Variants in TRAF7 observed in about 807,000 individuals in gnomAD.
TRAF7 encodes TNF receptor associated factor 7, also known as E3 ubiquitin-protein ligase TRAF7.
A neutral mutation model predicts 89.3 loss-of-function variants in TRAF7; 45 were observed. That is an observed-to-expected ratio of 0.50 (90% CI 0.40 to 0.65). TRAF7 has a LOEUF of 0.65. TRAF7 is among the 30% of genes least tolerant of loss of function. The probability of loss-of-function intolerance (pLI) is 0.00; values close to 1 mark genes in which losing one functional copy is unlikely to be tolerated. For missense variants in TRAF7, 677 were observed against 918.1 expected (o/e 0.74, Z 3.39); for synonymous variants, 406 against 369.2 (o/e 1.10, Z -1.14).
In TRAF7 at chr16:2,174,815, G is replaced by A. The variant is rs775971137; in HGVS notation, c.1347-296G>A. ...TGAGAGATGCTCGCTTTCAGGAGGC[G>A]GCAGCTTGACTGCCAGCAGCCGGCC... On this transcript the variant is annotated intron_variant, in intron 14 of 20. Transcript: ENST00000326181. Among the ~76,000 whole-genome samples the A allele has an allele frequency of 3.3e-5, 5 of 152,226 alleles. No homozygotes were observed. In the South Asian group the frequency reaches 8.3e-4, roughly 25 times the overall value.
rs1256132349 is a variant in TRAF7 at position 2,164,159 on chromosome 16, TGCGCGCGCGCGCGCGCGCGCGCACGC to T, written c.81+160_81+185del. On this transcript the variant is annotated intron_variant, in intron 2 of 20. Transcript: ENST00000326181. Reference sequence around the variant, plus strand: ...GGTGTGGTGTGTGTGTGTGTGTGTGTGCGCGCGCGCGCGCGCGCGCGCACGCGTGCGTGTGTGGTTGGGGCGTGTTA... The same window carrying T: ...GGTGTGGTGTGTGTGTGTGTGTGTGTGTGCGTGTGTGGTTGGGGCGTGTTA... 2.4e-3 allele frequency among the ~76,000 whole-genome samples: 302 copies of T among 126,132 alleles called. 1 individual carries two copies. Among genetic ancestry groups the T allele is most frequent in the Admixed American group, 3.7e-3 (49 of 13,094 alleles). The allele number at this position is 126,132 out of a possible 152,430, so 82.7% of individuals were successfully genotyped here.
intron 17 of TRAF7, 31 bp from the exon 18 acceptor site, chr16:2,175,803 C>T (rs2093133310): frequency 1.2e-6 from 2 of 1,610,282 alleles, no homozygotes; most frequent in Non-Finnish European, 1.7e-6. Context: ...AGCACCTGGC[C>T]TGGGACCAAC....
At position 2,161,261 on chromosome 16, in the gene TRAF7, G is replaced by C. The variant is rs978207565; in HGVS notation, c.-38-2622G>C. 6.0e-5 allele frequency among the ~76,000 whole-genome samples: 8 copies of C among 134,012 alleles called. No homozygotes were observed. Among genetic ancestry groups the C allele is most frequent in the Non-Finnish European group, 1.1e-4 (7 of 63,480 alleles). The allele number at this position is 134,012 out of a possible 152,430, so 87.9% of individuals were successfully genotyped here. ...CTCCCTCCGTCCCCTCCCTCCTTCC[G>C]TCCCCCTCAGCTGGCGCTCGATGGG... is the stretch of plus-strand genomic sequence containing the variant. On this transcript the variant is annotated intron_variant, in intron 1 of 20. Coordinates refer to ENST00000326181, the MANE Select transcript of TRAF7 (RefSeq NM_032271.3). The surrounding 1 kb of genome is among the most constrained non-coding windows in gnomAD (Gnocchi z 5.2).
chr16:2,170,747 C>G lies in TRAF7; in HGVS notation c.348+17C>G. The G allele has an allele frequency of 6.3e-7, 1 of 1,578,524 alleles. No individual in the cohort carries two copies. The highest frequency in any genetic ancestry group is 1.7e-4 in the Middle Eastern group (1 of 5,972). ...GAGGAGCCGGTAGGTGTGGGGGACT[C>G]GGCGCAGAGCGGCTTCCAGGGCTGT... On this transcript the variant is annotated intron_variant, in intron 5 of 20. Transcript: ENST00000326181.
chr16:2,164,955 T>C (rs1288681246), intron 2 of TRAF7, among the ~76,000 whole-genome samples: 33 of 22,374 alleles, frequency 1.5e-3, no homozygotes, highest in Admixed American at 1.4e-3. Context: ...GTGAGTGCTG[T>C]GTGGCGCAGC....
rs2093139443 is a variant in TRAF7 at position 2,176,900 on chromosome 16, G to A, written c.*326G>A. ...CCGTTTTTAGACTGTATGTAGATTT[G>A]GTTACCTCCTGGTTGAAATAAATGC... On this transcript the variant is annotated 3_prime_UTR_variant, in exon 21 of 21. Coordinates refer to ENST00000326181, the MANE Select transcript of TRAF7 (RefSeq NM_032271.3). The A allele has an allele frequency of 2.0e-6, 1 of 504,010 alleles. No homozygotes were observed. The highest frequency in any genetic ancestry group is 1.9e-5 in the African/African-American group (1 of 51,458). 31.2% of individuals were successfully genotyped at this position (504,010 alleles called of 1,614,324 possible).
In TRAF7 at chr16:2,173,785, C is replaced by T; in HGVS notation, c.1087-3C>T. ...GCCCTCTGCCCTGCCCTTGGCCCTG[C>T]AGGACGAGCTGTCCCACATCAACGC... On this transcript the variant is annotated splice_polypyrimidine_tract_variant and splice_region_variant and intron_variant, in intron 11 of 20. Coordinates refer to ENST00000326181, the MANE Select transcript of TRAF7 (RefSeq NM_032271.3). 8 of 1,610,080 alleles carry T rather than the reference C, an allele frequency of 5.0e-6. No homozygotes were observed. The highest frequency in any genetic ancestry group is 6.8e-6 in the Non-Finnish European group (8 of 1,179,766).
At position 2,163,766 on chromosome 16, in the gene TRAF7, G is replaced by A. The variant is rs552901877; in HGVS notation, c.-38-117G>A. The A allele has an allele frequency of 2.9e-6, 2 of 694,470 alleles. No homozygotes were observed. Among genetic ancestry groups the A allele is most frequent in the Non-Finnish European group, 5.1e-6 (2 of 395,026 alleles). 43.0% of individuals were successfully genotyped at this position (694,470 alleles called of 1,614,324 possible). On this transcript the variant is annotated intron_variant, in intron 1 of 20. Transcript: ENST00000326181. This position sits in a 1 kb window ranked among gnomAD's most constrained non-coding sequence, Gnocchi z 4.3. ...CCTGAGCCGGGGCTGGTGGTGGAAG[G>A]CTGCTGCGGCGGCCCCACGGTGCCC...
rs908558141 is a variant in TRAF7, at chr16:2,162,930, C to T, written c.-38-953C>T. ...GCCCAAGTCCTGAAAGTGGGACCTG[C>T]TCGGGAGGAGGGGCGCCTGCTGACA... On this transcript the variant is annotated intron_variant, in intron 1 of 20. Transcript: ENST00000326181. The surrounding 1 kb of genome is among the most constrained non-coding windows in gnomAD (Gnocchi z 5.0). Among the ~76,000 whole-genome samples the T allele has an allele frequency of 5.3e-5, 8 of 152,150 alleles. No individual in the cohort carries two copies. Among genetic ancestry groups the T allele is most frequent in the African/African-American group, 1.4e-4 (6 of 41,446 alleles).
chr16:2,172,535 A>G lies in TRAF7; in HGVS notation c.730A>G (p.Arg244Gly). Reference protein sequence around the residue: ...PNNPSCPPLLRMNLEAHLKEC... With the variant: ...PNNPSCPPLLGMNLEAHLKEC... The stretch of plus-strand genomic sequence containing the variant: ...CAACCCCAGCTGCCCCCCGCTGCTC[A>G]GGATGAACCTGGAGGCCCACCTCAA... Residue 244 changes from arginine (R) to glycine (G), a missense_variant, in exon 9 of 21, where the codon AGG (arginine) becomes GGG (glycine). Transcript: ENST00000326181. The G allele has an allele frequency of 3.2e-6, 5 of 1,581,556 alleles. No homozygotes were observed. Among genetic ancestry groups the G allele is most frequent in the Non-Finnish European group, 4.3e-6 (5 of 1,163,624 alleles).
In TRAF7 at chr16:2,168,884, G is replaced by T. The variant is rs1413021401; in HGVS notation, c.231+716G>T. Among the ~76,000 whole-genome samples, 1 of 152,208 alleles carries T rather than the reference G, an allele frequency of 6.6e-6. No homozygotes were observed. Among genetic ancestry groups the T allele is most frequent in the Admixed American group, 6.5e-5 (1 of 15,284 alleles). ...ATGAAGGACTGGCCCAGCAGGGGGT[G>T]GGGGTGTGTGGGGCCTCTCTGGCAG... On this transcript the variant is annotated intron_variant, in intron 4 of 20. Coordinates refer to ENST00000326181, the MANE Select transcript of TRAF7 (RefSeq NM_032271.3). The surrounding 1 kb of genome is among the most constrained non-coding windows in gnomAD (Gnocchi z 4.1).
intron 2 of TRAF7, among the ~76,000 whole-genome samples, chr16:2,165,229 C>T (rs1350302519): frequency 2.2e-5 from 3 of 138,838 alleles, no homozygotes; most frequent in Non-Finnish European, 3.1e-5. Flanking sequence ...CATGGTTAAG[C>T]GTGTTAGTGC....
At position 2,168,502 on chromosome 16, in the gene TRAF7, G is replaced by A. The variant is rs533930346; in HGVS notation, c.231+334G>A. ...AGGAGGATAGCACAATAAAATACAT[G>A]CTTTGAAAGCTTCCTTTGCTGCTGG... On this transcript the variant is annotated intron_variant, in intron 4 of 20. Coordinates refer to ENST00000326181, the MANE Select transcript of TRAF7 (RefSeq NM_032271.3). This position sits in a 1 kb window ranked among gnomAD's most constrained non-coding sequence, Gnocchi z 4.1. 19 of 242,236 alleles carry A rather than the reference G, an allele frequency of 7.8e-5. No homozygotes were observed. Among genetic ancestry groups the A allele is most frequent in the African/African-American group, 4.3e-4 (19 of 43,708 alleles). The allele number at this position is 242,236 out of a possible 1,614,324, so 15.0% of individuals were successfully genotyped here.
intron 20 of TRAF7, 55 bp from the exon 21 acceptor site, chr16:2,176,496 AGGTGTGGCT>A: frequency 6.2e-7 from 1 of 1,612,994 alleles, no homozygotes; most frequent in Non-Finnish European, 8.5e-7. Flanking sequence ...TACGTGTGGC[AGGTGTGGCT>A]GGGGCAGGGC....
In TRAF7 at chr16:2,171,292, C is replaced by T; in HGVS notation, c.377C>T (p.Ser126Leu). Residue 126 changes from serine (S) to leucine (L), a missense_variant, in exon 6 of 21, where the codon TCG becomes TTG. Ser to Leu is a moderately radical substitution (Grantham distance 145). Transcript: ENST00000326181. Reference sequence around the variant, plus strand: ...CCACTGGTGTTTGCGGAGCAGCCCTCGGTGAAGCTGTGCTGTCAGCTCTGC... The same window carrying T: ...CCACTGGTGTTTGCGGAGCAGCCCTTGGTGAAGCTGTGCTGTCAGCTCTGC... ...PEPLVFAEQP[S>L]VKLCCQLCCS... 3 of 1,555,014 alleles carry T rather than the reference C, an allele frequency of 1.9e-6. No homozygotes were observed. The highest frequency in any genetic ancestry group is 1.7e-6 in the Non-Finnish European group (2 of 1,150,116).
At chr16:2,169,209 C>T (rs566152738) in intron 4 of TRAF7, among the ~76,000 whole-genome samples, 2 of 152,100 alleles carry the variant, frequency 1.3e-5, no homozygotes, top group Non-Finnish European at 2.9e-5. Context: ...CTCGAACTCC[C>T]GACCTCAGCT....
At chr16:2,167,687 C>T (rs1285447703) in intron 3 of TRAF7, among the ~76,000 whole-genome samples, 1 of 152,192 alleles carries the variant, frequency 6.6e-6, no homozygotes, top group Non-Finnish European at 1.5e-5. Flanking sequence ...AAATGGCACC[C>T]CCAGCTGCTG....
chr16:2,155,886 C>T (rs1318809362), intron 1 of TRAF7, 28 bp downstream of exon 1: 1 of 147,904 alleles, frequency 6.8e-6, no homozygotes, highest in Non-Finnish European at 1.5e-5. Flanking sequence ...GCGCCCGACC[C>T]GGGGCTCGCG....
At chr16:2,156,688 G>A (rs2093036050) in intron 1 of TRAF7, among the ~76,000 whole-genome samples, 1 of 133,876 alleles carries the variant, frequency 7.5e-6, no homozygotes, top group Non-Finnish European at 1.6e-5. Context: ...AAGTGGAGAG[G>A]TGAAGTCGAT....
Sources: allele counts gnomAD v4.1 joint callset (sites outside exome capture counted in the v4.1 genomes callset), GRCh38; gene constraint gnomAD v4.1.1; non-coding constraint Gnocchi (gnomAD v3.1); transcripts MANE v1.5; gene names NCBI Gene and HGNC (gene_info 2026-07-23, HGNC 2026-07-21).